DIDO1: variants seen among roughly 807,000 people sequenced by gnomAD.
DIDO1 encodes the protein death-inducer obliterator 1.
DIDO1 carries 16 observed loss-of-function variants against 99.4 expected under a neutral mutation model. The ratio of observed to expected loss-of-function variants is 0.16; its 90% confidence interval spans 0.11 to 0.24. The LOEUF (loss-of-function observed/expected upper bound fraction) is 0.24. DIDO1 is among the 10% of genes least tolerant of loss of function. The probability of loss-of-function intolerance (pLI) is 1.00; values close to 1 mark genes in which losing one functional copy is unlikely to be tolerated. For synonymous variants in DIDO1, 1,366 were observed against 1,239.1 expected, an observed-to-expected ratio of 1.10 and a Z score of -2.15; for missense variants, 2,996 against 3,014.0, an observed-to-expected ratio of 0.99 and a Z score of 0.14.
chr20:62,889,737 G>T, intron 15 of DIDO1: 1 of 985,378 alleles, frequency 1.0e-6, no homozygotes, highest in Non-Finnish European at 1.2e-6. Flanking sequence ...CCACCCATTA[G>T]GTGGCATCTC....
At position 62,911,128 on chromosome 20, in the gene DIDO1, T is replaced by C. The variant is rs1300040255; in HGVS notation, c.485A>G (p.Lys162Arg). 6.2e-7 allele frequency: 1 copy of C among 1,614,098 alleles called. No individual in the cohort carries two copies. Among genetic ancestry groups the C allele is most frequent in the Non-Finnish European group, 8.5e-7 (1 of 1,180,034 alleles). ...CCTGCGAAGGCGATTCTGAAGCTCT[T>C]TCAAGGTCAGGCCATCGCTGTCACT... ...SDSDSDGLTL[K>R]ELQNRLRRKR... Residue 162 changes from lysine to arginine, a missense_variant, in exon 3 of 16, where the codon AAA (lysine) becomes AGA (arginine). By Grantham distance (26) the Lys-to-Arg change is conservative. Transcript: ENST00000395343. The surrounding 1 kb of genome is among the most constrained non-coding windows in gnomAD (Gnocchi z 7.0).
upstream of DIDO1, among the ~76,000 whole-genome samples, chr20:62,928,367 C>T (rs1158816765): frequency 1.3e-5 from 2 of 152,180 alleles, no homozygotes; most frequent in African/African-American, 4.8e-5. Flanking sequence ...GAATGCCTTC[C>T]TTCCTGCAAG....
intron 6 of DIDO1, among the ~76,000 whole-genome samples, chr20:62,900,451 G>T (rs1243914328): frequency 6.6e-6 from 1 of 152,354 alleles, no homozygotes; most frequent in East Asian, 1.9e-4. Context: ...GGCCTGAGCA[G>T]AGACGGGGAG....
At chr20:62,899,664 A>C (rs922118420) in intron 6 of DIDO1, among the ~76,000 whole-genome samples, 2 of 152,246 alleles carry the variant, frequency 1.3e-5, no homozygotes, top group African/African-American at 4.8e-5. Context: ...TTAGAAAATT[A>C]ACTGCTCCCT....
Position 62,906,245 on chromosome 20 carries a change from A to C in DIDO1, c.1375-145T>G, listed in dbSNP as rs2064801946. The C allele has an allele frequency of 1.2e-5, 13 of 1,107,666 alleles. No individual in the cohort carries two copies. The East Asian group carries it at 3.2e-4, about 28-fold the overall frequency. The allele number at this position is 1,107,666 out of a possible 1,614,324, so 68.6% of individuals were successfully genotyped here. A position where few individuals can be genotyped will look rare whatever the true frequency, so the allele number is the denominator to read the frequency against. ...ACCCATCCTGCGCCTGCTTGGCAGC[A>C]GTTCAACACACTTGCGTATTCGGTG... On this transcript the variant is annotated intron_variant, in intron 5 of 15. Transcript: ENST00000395343.
At chr20:62,884,371 A>G (rs1266710731) in intron 15 of DIDO1, among the ~76,000 whole-genome samples, 4 of 152,226 alleles carry the variant, frequency 2.6e-5, no homozygotes, top group Non-Finnish European at 5.9e-5. Context: ...GGAAAGTGAT[A>G]CACGTGGGTG....
upstream of DIDO1, chr20:62,926,515 C>T (rs2065259743): frequency 6.6e-6 from 1 of 151,860 alleles, no homozygotes; most frequent in Non-Finnish European, 1.5e-5. Flanking sequence ...TGGCGCGGGG[C>T]TAGAGCGGCG....
rs756543700 is a variant in DIDO1, at chr20:62,896,403, TA to T, written c.2055-12del. The T allele has an allele frequency of 3.0e-4, 479 of 1,602,734 alleles. 3 individuals are homozygous for T. The Admixed American group carries it at 5.8e-3, about 19-fold the overall frequency. ...TCGCTGTCATTGACTCTGAACAGAA[TA>T]AAAAAAAGGAACTACATAAGACACT... On this transcript the variant is annotated splice_polypyrimidine_tract_variant and intron_variant, in intron 7 of 15. Coordinates refer to ENST00000395343, the MANE Select transcript of DIDO1 (RefSeq NM_001193369.2). This position sits in a 1 kb window ranked among gnomAD's most constrained non-coding sequence, Gnocchi z 4.4.
chr20:62,908,508 G>C (rs560039436), intron 4 of DIDO1, among the ~76,000 whole-genome samples: 2 of 152,260 alleles, frequency 1.3e-5, no homozygotes, highest in East Asian at 3.9e-4. Flanking sequence ...CAAACAGCTT[G>C]ACCACTGCTG....
rs142869112 is a variant in DIDO1 at position 62,934,362 on chromosome 20, G to A, written c.-200+3434C>T. ...TCACCTGCTCCCCTGGCATCTCCAC[G>A]TGAATGCCTCAAATGCACTTCAAAA... On this transcript the variant is annotated intron_variant, in intron 1 of 15. Coordinates refer to the DIDO1 transcript ENST00000266070. 4.3e-3 allele frequency among the ~76,000 whole-genome samples: 648 copies of A among 152,194 alleles called. 4 individuals are homozygous for A. Among genetic ancestry groups the A allele is most frequent in the African/African-American group, 0.014 (596 of 41,518 alleles).
In DIDO1 at chr20:62,894,874, T is replaced by C. The variant is rs74439389; in HGVS notation, c.2372A>G (p.Lys791Arg). ...GATGGCCTCCTGCCTGGGGGCCGTC[T>C]TCTTGCTTTCATTGTGCAGTTTAGT... ...SRTKLHNESK[K>R]TAPRQEAIPD... The change falls in exon 10 of 16, where the codon AAG becomes AGG. Residue 791 changes from lysine (K) to arginine (R), a missense_variant. By Grantham distance (26) the Lys-to-Arg change is conservative. This residue lies in a region of DIDO1 where 898 missense variants were observed against 972.7 expected (regional missense o/e 0.92). Coordinates refer to ENST00000395343, the MANE Select transcript of DIDO1 (RefSeq NM_001193369.2). This position sits in a 1 kb window ranked among gnomAD's most constrained non-coding sequence, Gnocchi z 4.4. 1 of 1,614,226 alleles carries C rather than the reference T, an allele frequency of 6.2e-7. No homozygotes were observed. The highest frequency in any genetic ancestry group is 8.5e-7 in the Non-Finnish European group (1 of 1,180,044).
intron 1 of DIDO1, among the ~76,000 whole-genome samples, chr20:62,935,956 C>T (rs1181474088): frequency 6.6e-6 from 1 of 152,172 alleles, no homozygotes; most frequent in Non-Finnish European, 1.5e-5. Flanking sequence ...GGAGGGGGCT[C>T]GAGCAGGACT....
chr20:62,923,278 C>T (rs1368033184), intron 1 of DIDO1, among the ~76,000 whole-genome samples: 7 of 152,132 alleles, frequency 4.6e-5, no homozygotes, highest in Non-Finnish European at 8.8e-5. Flanking sequence ...CAGGTTCAAG[C>T]GATTCTCCCA....
intron 6 of DIDO1, among the ~76,000 whole-genome samples, chr20:62,899,436 G>T (rs781035486): frequency 2.0e-5 from 3 of 151,996 alleles, no homozygotes; most frequent in South Asian, 2.1e-4. Flanking sequence ...TCTCCAGATC[G>T]TAAGTGTTGG....
upstream of DIDO1, among the ~76,000 whole-genome samples, chr20:62,930,229 A>C (rs1046133823): frequency 2.0e-5 from 3 of 152,162 alleles, no homozygotes; most frequent in Non-Finnish European, 4.4e-5. Context: ...AAAAAAAAAA[A>C]AAACACAGAT....
intron 1 of DIDO1, among the ~76,000 whole-genome samples, chr20:62,922,344 G>T (rs189964107): frequency 6.6e-6 from 1 of 151,932 alleles, no homozygotes; most frequent in Non-Finnish European, 1.5e-5. Flanking sequence ...CTCAGTGCAG[G>T]TTCAGCATTC....
intron 1 of DIDO1, among the ~76,000 whole-genome samples, chr20:62,922,109 T>TATATACAC (rs375077898): frequency 6.3e-5 from 7 of 110,586 alleles, no homozygotes; most frequent in Admixed American, 3.9e-4. Context: ...ACTATATATA[T>TATATACAC]ACACACACAC....
At chr20:62,912,429 CTT>C (rs200953791) in intron 2 of DIDO1, among the ~76,000 whole-genome samples, 60 of 143,402 alleles carry the variant, frequency 4.2e-4, no homozygotes, top group Admixed American at 8.3e-4. Flanking sequence ...AGGTATATTT[CTT>C]TTTTTTTTTT....
intron 6 of DIDO1, among the ~76,000 whole-genome samples, chr20:62,902,832 C>G (rs1311894701): frequency 6.6e-6 from 1 of 152,222 alleles, no homozygotes; most frequent in Non-Finnish European, 1.5e-5. Context: ...ACTGTAGAAT[C>G]TGCTTTGCAG....
Sources: gnomAD v4.1 joint callset for allele counts (sites outside exome capture counted in the v4.1 genomes callset) on GRCh38, gnomAD v4.1.1 for gene constraint, gnomAD v4.1.1 regional missense constraint, Gnocchi (gnomAD v3.1) non-coding constraint, MANE v1.5 for transcripts, NCBI Gene and HGNC (gene_info 2026-07-23, HGNC 2026-07-21) for gene names.